GALNT18: variants seen among roughly 807,000 people sequenced by gnomAD.
GALNT18 encodes the protein GalNAc-transferase 18.
In GALNT18, 44 loss-of-function variants were observed where a neutral mutation model predicts 69.5. The ratio of observed to expected loss-of-function variants is 0.63; its 90% CI spans 0.50 to 0.81. The LOEUF is 0.81. GALNT18 is among the 40% of genes least tolerant of loss of function. GALNT18 has a pLI of 0.00. For synonymous variants in GALNT18, 364 were observed against 318.2 expected, an observed-to-expected ratio of 1.14 and a Z score of -1.53; for missense variants, 715 against 810.0, an observed-to-expected ratio of 0.88 and a Z score of 1.42.
chr11:11,607,445 A>C (rs1337162363), intron 1 of GALNT18, among the ~76,000 whole-genome samples: 1 of 152,234 alleles, frequency 6.6e-6, no homozygotes, highest in Non-Finnish European at 1.5e-5. Context: ...TTAGAAAGAA[A>C]TCTTTTTTAA....
chr11:11,330,878 T>C (rs1850007020), intron 8 of GALNT18, among the ~76,000 whole-genome samples: 1 of 152,240 alleles, frequency 6.6e-6, no homozygotes, highest in South Asian at 2.1e-4. Context: ...CCTGCCTCTC[T>C]GGGTGAGTTT....
chr11:11,362,832 T>C (rs1194884725), intron 6 of GALNT18, among the ~76,000 whole-genome samples: 1 of 152,178 alleles, frequency 6.6e-6, no homozygotes, highest in Non-Finnish European at 1.5e-5. Context: ...CGCAATTCCA[T>C]TTCTAGGAAT....
In GALNT18 at chr11:11,606,943, C is replaced by T. The variant is rs1859771962; in HGVS notation, c.235+14416G>A. ...ATGTTATTTGCAACTCTAACATGGTCTGATTTTAACTAGAGAGCCTTCAGA... is the reference window on the plus strand; with the variant it reads ...ATGTTATTTGCAACTCTAACATGGTTTGATTTTAACTAGAGAGCCTTCAGA... On this transcript the variant is annotated intron_variant, in intron 1 of 10. Transcript: ENST00000227756. This position sits in a 1 kb window ranked among gnomAD's most constrained non-coding sequence, Gnocchi z 5.4. Among the ~76,000 whole-genome samples, 1 of 152,112 alleles carries T rather than the reference C, an allele frequency of 6.6e-6. No individual in the cohort carries two copies. The highest frequency in any genetic ancestry group is 2.1e-4 in the South Asian group (1 of 4,816).
rs187866312 is a variant in GALNT18, at chr11:11,616,121, C to T, written c.235+5238G>A. On this transcript the variant is annotated intron_variant, in intron 1 of 10. Transcript: ENST00000227756. The surrounding 1 kb of genome is among the most constrained non-coding windows in gnomAD (Gnocchi z 4.4). The stretch of plus-strand genomic sequence containing the variant: ...AAAGTGCTGGGATTATAGGTATAAG[C>T]CACCACGCCTGGCCAAACACTGATA... Among the ~76,000 whole-genome samples the T allele has an allele frequency of 6.6e-6, 1 of 152,170 alleles. No homozygotes were observed. Among genetic ancestry groups the T allele is most frequent in the Admixed American group, 6.5e-5 (1 of 15,274 alleles).
intron 1 of GALNT18, among the ~76,000 whole-genome samples, chr11:11,489,097 G>A (rs1188293795): frequency 6.6e-6 from 1 of 152,214 alleles, no homozygotes; most frequent in Non-Finnish European, 1.5e-5. Context: ...AAGTGACTTG[G>A]TAATAATAAT....
chr11:11,482,275 C>A (rs549119965), intron 1 of GALNT18, among the ~76,000 whole-genome samples: 2 of 152,330 alleles, frequency 1.3e-5, no homozygotes, highest in Admixed American at 1.3e-4. Flanking sequence ...GTGCCAGCCC[C>A]GTGCAGTGGG....
intron 1 of GALNT18, among the ~76,000 whole-genome samples, chr11:11,553,691 AC>A (rs1425465794): frequency 6.6e-6 from 1 of 151,550 alleles, no homozygotes; most frequent in East Asian, 1.9e-4. Flanking sequence ...CCCCCCCAGC[AC>A]CCCCACAATT....
intron 6 of GALNT18, among the ~76,000 whole-genome samples, chr11:11,368,620 G>A (rs1850825979): frequency 6.6e-6 from 1 of 151,942 alleles, no homozygotes; most frequent in Non-Finnish European, 1.5e-5. Context: ...TAATGTTCAT[G>A]TAGCCGTTCT....
intron 10 of GALNT18, among the ~76,000 whole-genome samples, chr11:11,288,340 C>T (rs1849231847): frequency 6.6e-6 from 1 of 152,128 alleles, no homozygotes; most frequent in Non-Finnish European, 1.5e-5. Context: ...CCAAGTGAGC[C>T]TCTACTTGGG....
chr11:11,297,141 G>A (rs1405220713), intron 9 of GALNT18, among the ~76,000 whole-genome samples: 2 of 152,074 alleles, frequency 1.3e-5, no homozygotes, highest in Non-Finnish European at 2.9e-5. Context: ...CTAGTGGCTG[G>A]TCTGGGATCC....
chr11:11,400,468 G>T (rs1236037250), intron 3 of GALNT18, among the ~76,000 whole-genome samples: 3 of 152,214 alleles, frequency 2.0e-5, no homozygotes, highest in Non-Finnish European at 4.4e-5. Flanking sequence ...GAGAATGTAT[G>T]CCCTGTCTAA....
chr11:11,572,465 A>G (rs80317838), intron 1 of GALNT18, among the ~76,000 whole-genome samples: 4,862 of 152,316 alleles, frequency 0.032, 268 homozygotes, highest in African/African-American at 0.11. Context: ...AATAACCGAG[A>G]CAGAGTTTAG....
intron 1 of GALNT18, among the ~76,000 whole-genome samples, chr11:11,548,776 A>C (rs889394690): frequency 6.6e-6 from 1 of 152,272 alleles, no homozygotes; most frequent in Non-Finnish European, 1.5e-5. Context: ...AAGGCAGTAC[A>C]TGTAAATTCA....
rs1855281783 is a variant in GALNT18, at chr11:11,432,259, G to A, written c.595+362C>T. On this transcript the variant is annotated intron_variant, in intron 3 of 10. Transcript: ENST00000227756. This position sits in a 1 kb window ranked among gnomAD's most constrained non-coding sequence, Gnocchi z 5.8. Reference sequence around the variant, plus strand: ...ACCAGTGAACAATCTTCCAGGCAGAGGCTGTGGAACCCTACTAGGTGAAAT... The same window carrying A: ...ACCAGTGAACAATCTTCCAGGCAGAAGCTGTGGAACCCTACTAGGTGAAAT... Among the ~76,000 whole-genome samples the A allele has an allele frequency of 6.6e-6, 1 of 152,216 alleles. No homozygotes were observed. The highest frequency in any genetic ancestry group is 2.4e-5 in the African/African-American group (1 of 41,454).
At chr11:11,284,559 G>A (rs867069703) in intron 10 of GALNT18, among the ~76,000 whole-genome samples, 2 of 152,198 alleles carry the variant, frequency 1.3e-5, no homozygotes, top group Non-Finnish European at 2.9e-5. Context: ...TTTGTGTTAA[G>A]CTCAGGCTGG....
intron 6 of GALNT18, among the ~76,000 whole-genome samples, chr11:11,343,935 C>T (rs1351321114): frequency 1.3e-5 from 2 of 152,130 alleles, no homozygotes; most frequent in African/African-American, 4.8e-5. Flanking sequence ...CACCTGAATT[C>T]ACTCCCCTCT....
At position 11,590,379 on chromosome 11, in the gene GALNT18, G is replaced by A. The variant is rs1235657326; in HGVS notation, c.235+30980C>T. Among the ~76,000 whole-genome samples the A allele has an allele frequency of 6.6e-6, 1 of 152,200 alleles. No individual in the cohort carries two copies. Among genetic ancestry groups the A allele is most frequent in the Non-Finnish European group, 1.5e-5 (1 of 68,034 alleles). ...GGAAGGAAGGCTGCAGGCCCACAAG[G>A]AACTTCCACATTGCTTGTTGGGTAA... On this transcript the variant is annotated intron_variant, in intron 1 of 10. Coordinates refer to ENST00000227756, the MANE Select transcript of GALNT18 (RefSeq NM_198516.3). This position sits in a 1 kb window ranked among gnomAD's most constrained non-coding sequence, Gnocchi z 4.4.
chr11:11,580,449 C>T (rs894100930), intron 1 of GALNT18, among the ~76,000 whole-genome samples: 1 of 152,212 alleles, frequency 6.6e-6, no homozygotes, highest in African/African-American at 2.4e-5. Context: ...GACTGTTCCT[C>T]CACTTAAAAT....
At chr11:11,408,289 C>T (rs971727881) in intron 3 of GALNT18, among the ~76,000 whole-genome samples, 9 of 143,710 alleles carry the variant, frequency 6.3e-5, no homozygotes, top group Non-Finnish European at 1.0e-4. Context: ...AATTGCTTGC[C>T]GGGAGGCAGA....
Sources: gnomAD v4.1 joint callset for allele counts (sites outside exome capture counted in the v4.1 genomes callset) on GRCh38, gnomAD v4.1.1 for gene constraint, Gnocchi (gnomAD v3.1) non-coding constraint, MANE v1.5 for transcripts, NCBI Gene and HGNC (gene_info 2026-07-23, HGNC 2026-07-21) for gene names.